The following C8orf34 variants were observed in gnomAD, a reference collection of about 807,000 sequenced individuals.
The protein encoded by C8orf34 is chromosome 8 open reading frame 34, also known as uncharacterized protein C8orf34.
C8orf34 carries 65 observed loss-of-function variants against 68.3 expected under a neutral mutation model. The observed-to-expected ratio is 0.95, with a 90% confidence interval of 0.78 to 1.17. The LOEUF (loss-of-function observed/expected upper bound fraction) is 1.17. Ranked by LOEUF, C8orf34 falls within the 50% of genes most tolerant of loss-of-function variation. The pLI, the probability that C8orf34 is intolerant of heterozygous loss-of-function variation, is 0.00. For synonymous variants in C8orf34, 244 were observed against 241.2 expected, an observed-to-expected ratio of 1.01 and a Z score of -0.11; for missense variants, 664 against 655.4, an observed-to-expected ratio of 1.01 and a Z score of -0.14.
At chr8:68,515,334 A>G (rs1353165207) in intron 5 of C8orf34, among the ~76,000 whole-genome samples, 1 of 149,066 alleles carries the variant, frequency 6.7e-6, no homozygotes. Context: ...CAGCTGCTCT[A>G]TGTAAATTAC....
At chr8:68,811,590 A>G (rs906518199) in intron 12 of C8orf34, among the ~76,000 whole-genome samples, 17 of 152,222 alleles carry the variant, frequency 1.1e-4, no homozygotes, top group African/African-American at 3.1e-4. Flanking sequence ...AATCACTAAC[A>G]TTAAATAGAT....
chr8:68,374,517 A>G (rs770774957), intron 1 of C8orf34, among the ~76,000 whole-genome samples: 20 of 152,226 alleles, frequency 1.3e-4, no homozygotes, highest in Non-Finnish European at 2.2e-4. Context: ...ACCAAACACA[A>G]ATGAAAATAT....
rs145327243 is a variant in C8orf34 at position 68,653,878 on chromosome 8, C to G, written c.1241+13367C>G. ...ATTTTCTCTTGGTGCATATTGCCAA[C>G]TACTGAGAGAAGGGCCTGATTTTAA... On this transcript the variant is annotated intron_variant, in intron 8 of 13. Transcript: ENST00000518698. Among the ~76,000 whole-genome samples the G allele has an allele frequency of 4.8e-3, 726 of 152,160 alleles. 5 individuals carry two copies. The highest frequency in any genetic ancestry group is 0.016 in the African/African-American group (677 of 41,514).
At chr8:68,480,503 G>C (rs767097001) in intron 4 of C8orf34, among the ~76,000 whole-genome samples, 1 of 152,208 alleles carries the variant, frequency 6.6e-6, no homozygotes, top group Non-Finnish European at 1.5e-5. Context: ...GTAACACGTA[G>C]AGGTTGGAAC....
At chr8:68,810,629 A>G (rs896590593) in intron 12 of C8orf34, among the ~76,000 whole-genome samples, 1 of 152,182 alleles carries the variant, frequency 6.6e-6, no homozygotes, top group African/African-American at 2.4e-5. Flanking sequence ...CATCCAGGAA[A>G]AATGAGGTAC....
In C8orf34 at chr8:68,818,345, G is replaced by T. The variant is rs764913205; in HGVS notation, c.*99G>T. The T allele has an allele frequency of 1.1e-4, 147 of 1,306,738 alleles. 1 individual carries two copies. The highest frequency in any genetic ancestry group is 3.4e-4 in the Admixed American group (19 of 55,324). 80.9% of individuals were successfully genotyped at this position (1,306,738 alleles called of 1,614,324 possible). ...TATTTACTATGTGTAATCATTTAGA[G>T]AATGGTTATTTTTATAATCTCAATA... On this transcript the variant is annotated 3_prime_UTR_variant, in exon 14 of 14. Coordinates refer to ENST00000518698, the MANE Select transcript of C8orf34 (RefSeq NM_052958.4).
chr8:68,625,327 T>G, intron 7 of C8orf34: 1 of 392,550 alleles, frequency 2.5e-6, no homozygotes, highest in Non-Finnish European at 4.5e-6. Context: ...TTTTAAGTTT[T>G]CTCTTATCAC....
At chr8:68,387,179 C>T (rs537572062) in intron 1 of C8orf34, among the ~76,000 whole-genome samples, 12 of 152,002 alleles carry the variant, frequency 7.9e-5, no homozygotes, top group South Asian at 4.2e-4. Flanking sequence ...GCACATGGAC[C>T]GACTTCAGTG....
chr8:68,741,073 C>G lies in C8orf34; in HGVS notation c.1404+19636C>G, dbSNP rs1822276634. On this transcript the variant is annotated intron_variant, in intron 10 of 13. Coordinates refer to ENST00000518698, the MANE Select transcript of C8orf34 (RefSeq NM_052958.4). The stretch of plus-strand genomic sequence containing the variant: ...AGAGGGGGAACAACACTCACTGGGA[C>G]CTATCAGAGGGTGAAGGGAGGGAGG... Among the ~76,000 whole-genome samples the G allele has an allele frequency of 1.4e-4, 21 of 151,650 alleles. 1 individual carries two copies. The highest frequency in any genetic ancestry group is 1.4e-3 in the Admixed American group (21 of 15,184).
intron 1 of C8orf34, among the ~76,000 whole-genome samples, chr8:68,341,907 G>T (rs894416495): frequency 6.6e-6 from 1 of 152,196 alleles, no homozygotes; most frequent in Non-Finnish European, 1.5e-5. Flanking sequence ...CACATCAGGG[G>T]TTGAGGGTGG....
At chr8:68,485,897 T>A (rs1228269696) in intron 4 of C8orf34, among the ~76,000 whole-genome samples, 1 of 151,876 alleles carries the variant, frequency 6.6e-6, no homozygotes, top group South Asian at 2.1e-4. Context: ...TAAAATAGAC[T>A]AAGCTCTTTA....
chr8:68,556,003 G>C (rs1214650189), intron 7 of C8orf34, among the ~76,000 whole-genome samples: 1 of 152,078 alleles, frequency 6.6e-6, no homozygotes, highest in Non-Finnish European at 1.5e-5. Flanking sequence ...TGAAATGGCA[G>C]AAAGCATTTT....
At chr8:68,767,742 C>A (rs1022328322) in intron 10 of C8orf34, among the ~76,000 whole-genome samples, 1 of 152,172 alleles carries the variant, frequency 6.6e-6, no homozygotes, top group African/African-American at 2.4e-5. Flanking sequence ...TGGGCTCAAG[C>A]AATTCTCCCA....
At chr8:68,477,896 G>C (rs1812690682) in intron 4 of C8orf34, among the ~76,000 whole-genome samples, 1 of 152,146 alleles carries the variant, frequency 6.6e-6, no homozygotes, top group African/African-American at 2.4e-5. Flanking sequence ...GAAACGGCTG[G>C]GACGCAGGAT....
At chr8:68,712,598 G>A (rs567232583) in intron 9 of C8orf34, among the ~76,000 whole-genome samples, 5 of 152,080 alleles carry the variant, frequency 3.3e-5, no homozygotes, top group African/African-American at 4.8e-5. Context: ...AAACAAAGTG[G>A]AACATTATAT....
At chr8:68,783,685 C>G (rs1275974267) in intron 11 of C8orf34, among the ~76,000 whole-genome samples, 1 of 152,094 alleles carries the variant, frequency 6.6e-6, no homozygotes, top group African/African-American at 2.4e-5. Context: ...CTGGGCGGAA[C>G]CAATGTACTT....
At chr8:68,370,371 G>A (rs1055922627) in intron 1 of C8orf34, among the ~76,000 whole-genome samples, 2 of 152,078 alleles carry the variant, frequency 1.3e-5, no homozygotes, top group Non-Finnish European at 2.9e-5. Context: ...ACTGCCACCT[G>A]GACTTTGCTT....
chr8:68,340,422 A>G (rs1255648664), intron 1 of C8orf34, among the ~76,000 whole-genome samples: 1 of 152,198 alleles, frequency 6.6e-6, no homozygotes, highest in Non-Finnish European at 1.5e-5. Flanking sequence ...TGAAAGATTA[A>G]TAAAATTGAC....
chr8:68,805,861 C>T (rs1254855793), intron 12 of C8orf34, among the ~76,000 whole-genome samples: 1 of 151,974 alleles, frequency 6.6e-6, no homozygotes, highest in Non-Finnish European at 1.5e-5. Flanking sequence ...TACTATATTA[C>T]CAACTTACTT....
Sources: allele counts gnomAD v4.1 joint callset (sites outside exome capture counted in the v4.1 genomes callset), GRCh38; gene constraint gnomAD v4.1.1; transcripts MANE v1.5; gene names NCBI Gene and HGNC (gene_info 2026-07-23, HGNC 2026-07-21).